The following DIP2C variants were observed in gnomAD, a reference collection of about 807,000 sequenced individuals.
DIP2C encodes the protein DIP2 acetate--CoA ligase C (putative), also known as disco-interacting protein 2 homolog C.
In DIP2C, 33 loss-of-function variants were observed where a neutral mutation model predicts 192.4. The observed-to-expected ratio is 0.17, with a 90% CI of 0.13 to 0.23. The LOEUF (loss-of-function observed/expected upper bound fraction) is 0.23. DIP2C is among the 10% of genes least tolerant of loss of function. DIP2C has a pLI of 1.00. For synonymous variants in DIP2C, 979 were observed against 864.1 expected, an observed-to-expected ratio of 1.13 and a Z score of -2.33; for missense variants, 1,537 against 2,110.1, an observed-to-expected ratio of 0.73 and a Z score of 5.32.
chr10:595,576 G>GA (rs1391584985), intron 1 of DIP2C, among the ~76,000 whole-genome samples: 1 of 152,086 alleles, frequency 6.6e-6, no homozygotes, highest in East Asian at 1.9e-4. Context: ...CATCTACCTT[G>GA]AAGCCTTTTT....
At chr10:390,164 C>G (rs1963343641) in intron 12 of DIP2C, 71 bp from the exon 13 acceptor site, 1 of 1,583,320 alleles carries the variant, frequency 6.3e-7, no homozygotes, top group Admixed American at 1.7e-5. Context: ...ACTTGAGGTT[C>G]TCCAAGTCCC....
At chr10:567,772 G>A (rs984538368) in intron 1 of DIP2C, among the ~76,000 whole-genome samples, 7 of 151,980 alleles carry the variant, frequency 4.6e-5, no homozygotes, top group African/African-American at 1.7e-4. Context: ...AGAGTAGCTG[G>A]GACTATAGGT....
At chr10:572,542 A>G (rs1849888719) in intron 1 of DIP2C, among the ~76,000 whole-genome samples, 1 of 152,198 alleles carries the variant, frequency 6.6e-6, no homozygotes, top group Non-Finnish European at 1.5e-5. Context: ...TGTAATGAGA[A>G]AAATAGTTTT....
intron 36 of DIP2C, among the ~76,000 whole-genome samples, chr10:280,231 A>G (rs1954743543): frequency 6.6e-6 from 1 of 152,202 alleles, no homozygotes; most frequent in South Asian, 2.1e-4. Flanking sequence ...AAATGGCAGT[A>G]AGTACCAGCC....
In DIP2C at chr10:591,607, A is replaced by G. The variant is rs187301661; in HGVS notation, c.85+97887T>C. On this transcript the variant is annotated intron_variant, in intron 1 of 36. Coordinates refer to ENST00000280886, the MANE Select transcript of DIP2C (RefSeq NM_014974.3). The stretch of plus-strand genomic sequence containing the variant: ...AGTTTACAAATACCCAGTCGATTTG[A>G]GCCTTGAGAATAAGATCAAGCTGTT... 1.0e-3 allele frequency among the ~76,000 whole-genome samples: 157 copies of G among 152,264 alleles called. 1 individual carries two copies. Among genetic ancestry groups the G allele is most frequent in the Non-Finnish European group, 2.0e-3 (133 of 68,002 alleles).
intron 29 of DIP2C, among the ~76,000 whole-genome samples, chr10:333,583 G>A (rs1957600248): frequency 1.3e-5 from 2 of 152,292 alleles, no homozygotes; most frequent in Admixed American, 1.3e-4. Context: ...TGTGTTGACC[G>A]AGGTTCCAGG....
intron 1 of DIP2C, among the ~76,000 whole-genome samples, chr10:505,142 A>G (rs959246430): frequency 1.3e-5 from 2 of 152,202 alleles, no homozygotes; most frequent in African/African-American, 4.8e-5. Context: ...AACTGTACAG[A>G]AAACGGCAAC....
intron 16 of DIP2C, 22 bp downstream of exon 16, chr10:384,005 A>AGGCGTGT: frequency 6.6e-7 from 1 of 1,508,604 alleles, no homozygotes; most frequent in South Asian, 1.4e-5. Context: ...CTGCCTCACG[A>AGGCGTGT]GATCACACGC....
rs139175224 is a variant in DIP2C, at chr10:585,561, C to T, written c.86-99031G>A. Among the ~76,000 whole-genome samples, 203 of 152,282 alleles carry T rather than the reference C, an allele frequency of 1.3e-3. 2 individuals are homozygous for T. Among genetic ancestry groups the T allele is most frequent in the African/African-American group, 4.6e-3 (192 of 41,552 alleles). On this transcript the variant is annotated intron_variant, in intron 1 of 36. Coordinates refer to ENST00000280886, the MANE Select transcript of DIP2C (RefSeq NM_014974.3). ...CTGAAGCTCCAACACTCAACTGAAG[C>T]GGGGCGAGTGAAATGATCCTGGGTA...
At chr10:656,887 A>G (rs540027745) in intron 1 of DIP2C, among the ~76,000 whole-genome samples, 172 of 152,358 alleles carry the variant, frequency 1.1e-3, no homozygotes, top group African/African-American at 4.0e-3. Context: ...CTTAGCACAA[A>G]GAGCATGGAA....
rs116933626 is a variant in DIP2C, at chr10:283,214, C to T, written c.4294+58G>A. 684 of 1,575,240 alleles carry T rather than the reference C, an allele frequency of 4.3e-4. 6 individuals are homozygous for T. In the East Asian group the frequency reaches 0.015, roughly 34 times the overall value. ...ACCTTGGGAAAGGCTTCTGTATCTA[C>T]AGGAGCCTAACCTCTCTGCCCATCT... On this transcript the variant is annotated intron_variant, in intron 35 of 36. Transcript: ENST00000280886.
intron 28 of DIP2C, 29 bp downstream of exon 28, chr10:344,780 T>C (rs1377682722): frequency 5.1e-6 from 8 of 1,555,136 alleles, no homozygotes; most frequent in South Asian, 3.5e-5. Flanking sequence ...GTTGCCTCCA[T>C]GGCCACCGCC....
intron 1 of DIP2C, among the ~76,000 whole-genome samples, chr10:487,841 G>T (rs2133565227): frequency 6.6e-6 from 1 of 152,262 alleles, no homozygotes; most frequent in South Asian, 2.1e-4. Context: ...CTCCCAAAGT[G>T]CTGAGATTAC....
chr10:527,919 T>C (rs1285478166), intron 1 of DIP2C, among the ~76,000 whole-genome samples: 1 of 152,190 alleles, frequency 6.6e-6, no homozygotes, highest in Non-Finnish European at 1.5e-5. Flanking sequence ...AGGCCACGGC[T>C]ACACTTTACT....
intron 1 of DIP2C, among the ~76,000 whole-genome samples, chr10:536,857 C>A (rs1847723490): frequency 6.6e-6 from 1 of 152,180 alleles, no homozygotes; most frequent in Admixed American, 6.5e-5. Context: ...TCTTCTTGAC[C>A]CCCCAGTTCT....
intron 1 of DIP2C, among the ~76,000 whole-genome samples, chr10:497,455 C>G (rs188560400): frequency 3.3e-5 from 5 of 152,284 alleles, no homozygotes; most frequent in African/African-American, 1.2e-4. Context: ...CTCTGTTGAC[C>G]AACTTCACAG....
chr10:505,946 G>A (rs1388036225), intron 1 of DIP2C, among the ~76,000 whole-genome samples: 1 of 152,214 alleles, frequency 6.6e-6, no homozygotes, highest in African/African-American at 2.4e-5. Flanking sequence ...CAGGACAATG[G>A]GGCAGGTTTT....
chr10:296,790 A>C (rs1955774803), intron 32 of DIP2C, among the ~76,000 whole-genome samples: 1 of 150,834 alleles, frequency 6.6e-6, no homozygotes, highest in African/African-American at 2.4e-5. Flanking sequence ...TCACAAGGAC[A>C]GAAAACCAAA....
intron 1 of DIP2C, among the ~76,000 whole-genome samples, chr10:511,913 TG>T (rs1187368854): frequency 6.6e-6 from 1 of 152,254 alleles, no homozygotes; most frequent in African/African-American, 2.4e-5. Flanking sequence ...CTTTACTGTC[TG>T]TTCCTTCTCC....
Sources: allele counts gnomAD v4.1 joint callset (sites outside exome capture counted in the v4.1 genomes callset), GRCh38; gene constraint gnomAD v4.1.1; transcripts MANE v1.5; gene names NCBI Gene and HGNC (gene_info 2026-07-23, HGNC 2026-07-21).